The following PRKACB variants were observed in gnomAD, a reference collection of about 807,000 sequenced individuals.
PRKACB encodes the protein protein kinase cAMP-activated catalytic subunit beta.
In PRKACB, 16 loss-of-function variants were observed where a neutral mutation model predicts 51.4. The observed-to-expected ratio is 0.31, with a 90% CI of 0.21 to 0.47. The LOEUF (loss-of-function observed/expected upper bound fraction) is 0.47, where lower values mean the gene tolerates loss of function less well. Ranked by LOEUF, PRKACB falls within the 20% of genes least tolerant of loss-of-function variation. The probability of loss-of-function intolerance (pLI) is 1.00; values close to 1 mark genes in which losing one functional copy is unlikely to be tolerated. For missense variants in PRKACB, 309 were observed against 464.5 expected (o/e 0.67, Z 3.08); for synonymous variants, 147 against 154.4 (o/e 0.95, Z 0.35).
At chr1:84,092,331 A>G (rs1648542824) in intron 1 of PRKACB, among the ~76,000 whole-genome samples, 1 of 152,148 alleles carries the variant, frequency 6.6e-6, no homozygotes, top group Non-Finnish European at 1.5e-5. Context: ...ACACTTATCC[A>G]TGTTTTTGTC....
chr1:84,140,906 A>G (rs1240810822), upstream of PRKACB, among the ~76,000 whole-genome samples: 1 of 152,174 alleles, frequency 6.6e-6, no homozygotes, highest in African/African-American at 2.4e-5. Flanking sequence ...TCTTAAAATA[A>G]GGATAATAAT....
intron 1 of PRKACB, among the ~76,000 whole-genome samples, chr1:84,170,432 AATC>A (rs1481254576): frequency 2.0e-5 from 3 of 151,598 alleles, no homozygotes; most frequent in African/African-American, 7.3e-5. Flanking sequence ...GAGAATTTTT[AATC>A]AAGTGCCTCC....
intron 1 of PRKACB, among the ~76,000 whole-genome samples, chr1:84,110,901 A>C (rs1165126678): frequency 6.6e-6 from 1 of 152,000 alleles, no homozygotes; most frequent in Non-Finnish European, 1.5e-5. Context: ...GTGTCATCTT[A>C]GATTCTTTAA....
exon 1 of PRKACB, chr1:84,078,239 C>T: frequency 6.8e-7 from 1 of 1,461,872 alleles, no homozygotes; most frequent in Non-Finnish European, 9.3e-7. Flanking sequence ...CGGGTGCAGA[C>T]GCGGGAGTTG....
chr1:84,133,676 G>A (rs1246061557), intron 1 of PRKACB, among the ~76,000 whole-genome samples: 2 of 152,200 alleles, frequency 1.3e-5, no homozygotes, highest in African/African-American at 4.8e-5. Flanking sequence ...CCCCTTGCGG[G>A]AGGGGGAGCA....
intron 1 of PRKACB, among the ~76,000 whole-genome samples, chr1:84,124,120 G>A (rs752154922): frequency 8.5e-5 from 13 of 152,268 alleles, no homozygotes; most frequent in Admixed American, 1.3e-4. Context: ...CATTTATTGA[G>A]TGTATACTGT....
intron 1 of PRKACB, chr1:84,173,182 TATA>T: frequency 2.0e-6 from 1 of 498,346 alleles, no homozygotes; most frequent in Non-Finnish European, 3.4e-6. Flanking sequence ...GTAATCCTTA[TATA>T]ATACATTTTT....
rs966931489 is a variant in PRKACB, at chr1:84,231,564, G to A, written c.1072-3616G>A. Among the ~76,000 whole-genome samples, 94 of 152,154 alleles carry A rather than the reference G, an allele frequency of 6.2e-4. 2 individuals are homozygous for A. Among genetic ancestry groups the A allele is most frequent in the Non-Finnish European group, 1.9e-4 (13 of 68,030 alleles). ...TCCATCTGGTCCTGGACTCTTTTTG[G>A]TTGGTAAGCTATTGATTATTGCCAC... On this transcript the variant is annotated intron_variant, in intron 9 of 9. Transcript: ENST00000370685.
intron 1 of PRKACB, among the ~76,000 whole-genome samples, chr1:84,131,195 TA>T (rs1380154829): frequency 6.6e-6 from 1 of 151,964 alleles, no homozygotes; most frequent in African/African-American, 2.4e-5. Context: ...CCCTCTCTAC[TA>T]AAAATACAAA....
chr1:84,206,231 G>A (rs1671325595), intron 8 of PRKACB, among the ~76,000 whole-genome samples: 1 of 152,110 alleles, frequency 6.6e-6, no homozygotes, highest in Non-Finnish European at 1.5e-5. Context: ...TATATAAGGA[G>A]ACATGCAACA....
At chr1:84,159,975 T>G (rs1366755890) in intron 1 of PRKACB, among the ~76,000 whole-genome samples, 1 of 152,120 alleles carries the variant, frequency 6.6e-6, no homozygotes, top group African/African-American at 2.4e-5. Flanking sequence ...CTAGATTAAG[T>G]TTGCTGGCAT....
At chr1:84,105,707 C>T (rs374570002) in intron 1 of PRKACB, among the ~76,000 whole-genome samples, 164 of 152,144 alleles carry the variant, frequency 1.1e-3, no homozygotes, top group African/African-American at 3.8e-3. Context: ...TCTTGAGTAG[C>T]TGGGATTACA....
At chr1:84,229,830 T>C (rs1036305701) in intron 9 of PRKACB, among the ~76,000 whole-genome samples, 1 of 152,154 alleles carries the variant, frequency 6.6e-6, no homozygotes, top group Non-Finnish European at 1.5e-5. Context: ...TTCTGGATAT[T>C]AGCCCTTTGT....
chr1:84,136,625 AT>A (rs2100573196), intron 1 of PRKACB, among the ~76,000 whole-genome samples: 1 of 152,248 alleles, frequency 6.6e-6, no homozygotes, highest in South Asian at 2.1e-4. Flanking sequence ...CAGTTTGGCA[AT>A]TTCTTGAAAA....
intron 1 of PRKACB, among the ~76,000 whole-genome samples, chr1:84,168,942 C>G (rs1277702846): frequency 6.6e-6 from 1 of 151,440 alleles, no homozygotes; most frequent in African/African-American, 2.4e-5. Context: ...TGGCCACATT[C>G]CCATTTATGA....
At chr1:84,092,776 A>ATTC (rs1221414558) in intron 1 of PRKACB, among the ~76,000 whole-genome samples, 2 of 151,738 alleles carry the variant, frequency 1.3e-5, no homozygotes, top group East Asian at 3.9e-4. Context: ...AATTATACCT[A>ATTC]TTCTGGTAAA....
In PRKACB at chr1:84,235,502, T is replaced by C; in HGVS notation, c.*197T>C. ...ACAAGGCACCGCTAAGCAAGCATTGTCTGTGCCATAACACAGTACTAGACC... is the reference window on the plus strand; with the variant it reads ...ACAAGGCACCGCTAAGCAAGCATTGCCTGTGCCATAACACAGTACTAGACC... On this transcript the variant is annotated 3_prime_UTR_variant, in exon 10 of 10. Transcript: ENST00000370685. 1.6e-6 allele frequency: 1 copy of C among 629,608 alleles called. No homozygotes were observed. Among genetic ancestry groups the C allele is most frequent in the Non-Finnish European group, 2.7e-6 (1 of 373,866 alleles). 39.0% of individuals were successfully genotyped at this position (629,608 alleles called of 1,614,324 possible).
intron 9 of PRKACB, among the ~76,000 whole-genome samples, chr1:84,227,278 T>C (rs1674774265): frequency 6.6e-6 from 1 of 152,078 alleles, no homozygotes; most frequent in African/African-American, 2.4e-5. Flanking sequence ...TCTCTTCAAG[T>C]TTTTACTTTT....
rs1663776600 is a variant in PRKACB at position 84,182,347 on chromosome 1, A to T, written c.378+19A>T. ...GCAGAAGGTGAGTGTATTTGTTGTT[A>T]TTTACCTTCAGGGTAAACTTTAGTT... On this transcript the variant is annotated intron_variant, in intron 3 of 9. Coordinates refer to ENST00000370685, the MANE Select transcript of PRKACB (RefSeq NM_182948.4). 4 of 1,509,682 alleles carry T rather than the reference A, an allele frequency of 2.6e-6. No individual in the cohort carries two copies. The highest frequency in any genetic ancestry group is 1.4e-5 in the African/African-American group (1 of 71,644). The allele number at this position is 1,509,682 out of a possible 1,614,324, so 93.5% of individuals were successfully genotyped here.
Sources: gnomAD v4.1 joint callset for allele counts (sites outside exome capture counted in the v4.1 genomes callset) on GRCh38, gnomAD v4.1.1 for gene constraint, MANE v1.5 for transcripts, NCBI Gene and HGNC (gene_info 2026-07-23, HGNC 2026-07-21) for gene names.